The following SLC39A10 variants were observed in gnomAD, a reference collection of about 807,000 sequenced individuals.
SLC39A10 encodes solute carrier family 39 member 10, also known as zinc transporter ZIP10.
SLC39A10 carries 13 observed loss-of-function variants against 65.1 expected under a neutral mutation model. The ratio of observed to expected loss-of-function variants is 0.20; its 90% confidence interval spans 0.13 to 0.32. SLC39A10 has a LOEUF of 0.32. Among genes scored for constraint, SLC39A10 ranks in the 10% least tolerant of loss-of-function variants. The pLI is 1.00. For missense variants in SLC39A10, 831 were observed against 1,018.4 expected (o/e 0.82, Z 2.50); for synonymous variants, 321 against 342.2 (o/e 0.94, Z 0.68).
At chr2:195,708,989 GA>G (rs1400913716) in intron 5 of SLC39A10, 145 bp downstream of exon 5, 14 of 617,048 alleles carry the variant, frequency 2.3e-5, no homozygotes, top group Non-Finnish European at 3.6e-5. Flanking sequence ...GTAAAAAGCT[GA>G]CTTTGGTTTT....
chr2:195,636,184 A>G (rs1688693201), intron 2 of SLC39A10, among the ~76,000 whole-genome samples: 1 of 152,242 alleles, frequency 6.6e-6, no homozygotes, highest in Non-Finnish European at 1.5e-5. Context: ...ACATATTTGT[A>G]TGAGACTCAA....
intron 2 of SLC39A10, among the ~76,000 whole-genome samples, chr2:195,614,235 T>C (rs531421013): frequency 6.6e-5 from 10 of 152,366 alleles, no homozygotes; most frequent in African/African-American, 2.2e-4. Flanking sequence ...GAGAAGTATT[T>C]GCTGCTTAAA....
At position 195,734,942 on chromosome 2, in the gene SLC39A10, G is replaced by T; in HGVS notation, c.2397G>T (p.Gly799=). The T allele has an allele frequency of 1.2e-6, 2 of 1,612,406 alleles. No homozygotes were observed. The highest frequency in any genetic ancestry group is 1.1e-5 in the South Asian group (1 of 90,886). ...AAGAACATGGCTTTTGTCCTGTGGGGCAATTCATCCTTCAGAATTTAGGAT... is the reference window on the plus strand; with the variant it reads ...AAGAACATGGCTTTTGTCCTGTGGGTCAATTCATCCTTCAGAATTTAGGAT... ...DNEEHGFCPV[G]QFILQNLGLL... is the part of the protein sequence containing the mutation. The change falls in exon 10 of 10, where the codon GGG becomes GGT. Residue 799 remains glycine (G), a synonymous_variant. Coordinates refer to ENST00000359634, the MANE Select transcript of SLC39A10 (RefSeq NM_020342.3).
chr2:195,664,643 AAAGT>A (rs755987302), intron 1 of SLC39A10, among the ~76,000 whole-genome samples: 33 of 152,324 alleles, frequency 2.2e-4, no homozygotes, highest in African/African-American at 6.3e-4. Flanking sequence ...AATTAAAAAT[AAAGT>A]AAGACCTTTT....
At chr2:195,724,689 A>G (rs970673764) in intron 8 of SLC39A10, among the ~76,000 whole-genome samples, 2 of 152,216 alleles carry the variant, frequency 1.3e-5, no homozygotes, top group African/African-American at 4.8e-5. Flanking sequence ...ATGAAGAGCT[A>G]TACCAGGTTC....
chr2:195,706,866 C>A, intron 4 of SLC39A10, 81 bp downstream of exon 4: 1 of 942,124 alleles, frequency 1.1e-6, no homozygotes, highest in Non-Finnish European at 1.4e-6. Context: ...CAAGCTATAG[C>A]ACAGTAATCT....
intron 1 of SLC39A10, chr2:195,658,535 A>G (rs950597360): frequency 5.9e-5 from 9 of 152,202 alleles, no homozygotes; most frequent in African/African-American, 2.2e-4. Context: ...ATAGGTTTGT[A>G]TTTGTTTTCT....
intron 2 of SLC39A10, among the ~76,000 whole-genome samples, chr2:195,646,259 TA>T (rs1437509654): frequency 6.6e-6 from 1 of 152,192 alleles, no homozygotes; most frequent in Non-Finnish European, 1.5e-5. Flanking sequence ...CTTTTTATTT[TA>T]TTTTTTTATT....
intron 2 of SLC39A10, among the ~76,000 whole-genome samples, chr2:195,631,512 T>C (rs1212053143): frequency 2.0e-5 from 3 of 152,158 alleles, no homozygotes; most frequent in Non-Finnish European, 4.4e-5. Context: ...TTAAAGTGTT[T>C]CCAAAAAATA....
At chr2:195,716,108 C>A (rs1691797289) in intron 6 of SLC39A10, among the ~76,000 whole-genome samples, 2 of 152,172 alleles carry the variant, frequency 1.3e-5, no homozygotes, top group Non-Finnish European at 2.9e-5. Context: ...TTTCAGACAT[C>A]ACAAATTGTC....
chr2:195,624,531 C>T (rs985206360), intron 2 of SLC39A10, among the ~76,000 whole-genome samples: 6 of 151,650 alleles, frequency 4.0e-5, no homozygotes, highest in South Asian at 2.1e-4. Context: ...ATACAAGATA[C>T]GGTGATTGTC....
chr2:195,685,606 A>AC (rs2105779374), intron 3 of SLC39A10, among the ~76,000 whole-genome samples: 1 of 151,996 alleles, frequency 6.6e-6, no homozygotes, highest in African/African-American at 2.4e-5. Flanking sequence ...CACTTTCTAA[A>AC]CCCCCATGCC....
chr2:195,700,627 T>C (rs771285989), intron 3 of SLC39A10, among the ~76,000 whole-genome samples: 5 of 152,206 alleles, frequency 3.3e-5, no homozygotes, highest in Non-Finnish European at 7.4e-5. Context: ...CCTCAGCTTT[T>C]GTTTACTTGG....
chr2:195,693,230 AT>A (rs1690809854), intron 3 of SLC39A10, among the ~76,000 whole-genome samples: 1 of 152,110 alleles, frequency 6.6e-6, no homozygotes, highest in African/African-American at 2.4e-5. Flanking sequence ...GTTCACTAGT[AT>A]TTTGTTGAGG....
rs529763176 is a variant in SLC39A10, at chr2:195,629,356, T to TGCACTCCA, written c.-12+23126_-12+23133dup. The stretch of plus-strand genomic sequence containing the variant: ...TTGCAGTGAGCCGAGATCACACCAC[T>TGCACTCCA]GCACTCCAGCCTGGACGACAGAGCG... On this transcript the variant is annotated intron_variant, in intron 2 of 2. Coordinates refer to the SLC39A10 transcript ENST00000458054. Among the ~76,000 whole-genome samples the TGCACTCCA allele has an allele frequency of 1.9e-3, 276 of 145,950 alleles. 1 individual carries two copies. The highest frequency in any genetic ancestry group is 3.2e-3 in the Non-Finnish European group (215 of 67,284).
chr2:195,657,017 A>T, upstream of SLC39A10: 1 of 152,280 alleles, frequency 6.6e-6, no homozygotes, highest in Middle Eastern at 3.2e-3. Flanking sequence ...ATCCGTGAGT[A>T]GTGCGACTCC....
At chr2:195,678,859 T>C (rs1391785470) in intron 1 of SLC39A10, among the ~76,000 whole-genome samples, 1 of 152,194 alleles carries the variant, frequency 6.6e-6, no homozygotes, top group East Asian at 1.9e-4. Context: ...GTTGAAATTA[T>C]AATATTTTGG....
chr2:195,723,901 C>T (rs919289712), intron 8 of SLC39A10, among the ~76,000 whole-genome samples: 2 of 151,936 alleles, frequency 1.3e-5, no homozygotes, highest in African/African-American at 4.8e-5. Flanking sequence ...GTACCCCATG[C>T]TTCTAAAATA....
chr2:195,700,966 A>T (rs921711916), intron 3 of SLC39A10, among the ~76,000 whole-genome samples: 2 of 151,816 alleles, frequency 1.3e-5, no homozygotes, highest in Non-Finnish European at 2.9e-5. Flanking sequence ...CAAATTTGGG[A>T]AGTTTTTAGC....
Sources: allele counts gnomAD v4.1 joint callset (sites outside exome capture counted in the v4.1 genomes callset), GRCh38; gene constraint gnomAD v4.1.1; transcripts MANE v1.5; gene names NCBI Gene and HGNC (gene_info 2026-07-23, HGNC 2026-07-21).